Variants in SLC12A8 observed in about 807,000 individuals in gnomAD.
The protein encoded by SLC12A8 is cation-chloride cotransporter 9.
SLC12A8 carries 69 observed loss-of-function variants against 75.6 expected under a neutral mutation model. The ratio of observed to expected loss-of-function variants is 0.91; its 90% CI spans 0.75 to 1.11. The LOEUF is 1.11. Ranked by LOEUF, SLC12A8 falls within the 50% of genes most tolerant of loss-of-function variation. The probability of loss-of-function intolerance (pLI) is 0.00; values close to 1 mark genes in which losing one functional copy is unlikely to be tolerated. For synonymous variants in SLC12A8, 365 were observed against 372.8 expected, an observed-to-expected ratio of 0.98 and a Z score of 0.24; for missense variants, 877 against 896.7, an observed-to-expected ratio of 0.98 and a Z score of 0.28.
intron 10 of SLC12A8, among the ~76,000 whole-genome samples, chr3:125,106,776 A>T (rs1323017614): frequency 6.6e-6 from 1 of 152,206 alleles, no homozygotes; most frequent in Admixed American, 6.5e-5. Flanking sequence ...AAATACAGAC[A>T]ATACAATGCA....
At chr3:125,118,352 G>C (rs1939363675) in intron 8 of SLC12A8, among the ~76,000 whole-genome samples, 1 of 152,166 alleles carries the variant, frequency 6.6e-6, no homozygotes, top group Admixed American at 6.5e-5. Context: ...GGCTGGGCGT[G>C]GTGGCTCACG....
Position 125,193,361 on chromosome 3 carries a change from C to T in SLC12A8, c.52-2840G>A, listed in dbSNP as rs548897559. The stretch of plus-strand genomic sequence containing the variant: ...CTCCAGGCTGGGTGATAGAGTGAGA[C>T]CCTGTCTCAAAAAAAAAGAAGTAGC... On this transcript the variant is annotated intron_variant, in intron 2 of 13. Transcript: ENST00000469902. Among the ~76,000 whole-genome samples the T allele has an allele frequency of 2.6e-5, 4 of 152,244 alleles. No individual in the cohort carries two copies. In the South Asian group the frequency reaches 8.3e-4, roughly 32 times the overall value.
rs941657861 is a variant in SLC12A8, at chr3:125,211,097, C to T, written c.51+202G>A. Among the ~76,000 whole-genome samples the T allele has an allele frequency of 2.6e-5, 4 of 152,268 alleles. No homozygotes were observed. In the South Asian group the frequency reaches 6.2e-4, roughly 24 times the overall value. ...ATTCAAAATCCACCACAAATAATGC[C>T]AAAGGTTTTCTGTATATGAACAGTT... On this transcript the variant is annotated intron_variant, in intron 2 of 13. Coordinates refer to ENST00000469902, the MANE Select transcript of SLC12A8 (RefSeq NM_024628.6).
intron 5 of SLC12A8, among the ~76,000 whole-genome samples, chr3:125,176,129 G>C (rs1934521833): frequency 6.6e-6 from 1 of 152,170 alleles, no homozygotes. Context: ...CCTCCAAGGG[G>C]AAAAGCAGAG....
intron 1 of SLC12A8, among the ~76,000 whole-genome samples, chr3:125,212,211 G>C (rs1362726196): frequency 6.6e-6 from 1 of 152,084 alleles, no homozygotes; most frequent in African/African-American, 2.4e-5. Flanking sequence ...CACTGAGTGG[G>C]GGGTTGGGAG....
intron 8 of SLC12A8, among the ~76,000 whole-genome samples, chr3:125,114,819 C>T (rs1369817111): frequency 2.0e-5 from 3 of 152,186 alleles, no homozygotes; most frequent in Non-Finnish European, 2.9e-5. Context: ...AGGTATTTGG[C>T]CTTTTTTATT....
At chr3:125,107,066 G>T (rs1380693563) in intron 10 of SLC12A8, among the ~76,000 whole-genome samples, 2 of 152,142 alleles carry the variant, frequency 1.3e-5, no homozygotes, top group Non-Finnish European at 2.9e-5. Context: ...ATCCCCTCTT[G>T]CCTGGTTTGG....
At chr3:125,100,711 T>A (rs990352729) in intron 10 of SLC12A8, among the ~76,000 whole-genome samples, 1 of 149,232 alleles carries the variant, frequency 6.7e-6, no homozygotes, top group Non-Finnish European at 1.5e-5. Context: ...CCCAGCTTAA[T>A]GCTATCTTAA....
At chr3:125,170,960 T>A (rs186434436) in intron 5 of SLC12A8, among the ~76,000 whole-genome samples, 13 of 152,278 alleles carry the variant, frequency 8.5e-5, no homozygotes, top group African/African-American at 2.9e-4. Flanking sequence ...AGAAGCTATG[T>A]GCCGATCTCC....
At chr3:125,148,116 G>C (rs1042869533) in intron 5 of SLC12A8, among the ~76,000 whole-genome samples, 9 of 152,170 alleles carry the variant, frequency 5.9e-5, no homozygotes, top group Admixed American at 5.2e-4. Context: ...TGAACCTGGA[G>C]GTCTGACTCC....
chr3:125,090,606 G>A (rs1938560302), intron 12 of SLC12A8, among the ~76,000 whole-genome samples: 1 of 152,164 alleles, frequency 6.6e-6, no homozygotes, highest in African/African-American at 2.4e-5. Flanking sequence ...GTGTTTTTAA[G>A]TGCATAAATG....
rs1933044903 is a variant in SLC12A8 at position 125,121,001 on chromosome 3, T to C, written c.737-315A>G. On this transcript the variant is annotated intron_variant, in intron 6 of 13. Transcript: ENST00000469902. Reference sequence around the variant, plus strand: ...CGGCTTGCAAGGCACACAGAGGTCCTGCGCTGCCTGCTGAGCTGGGACAAT... The same window carrying C: ...CGGCTTGCAAGGCACACAGAGGTCCCGCGCTGCCTGCTGAGCTGGGACAAT... 2.2e-5 allele frequency: 14 copies of C among 649,834 alleles called. No homozygotes were observed. The South Asian group carries it at 2.2e-4, about 10-fold the overall frequency. The allele number at this position is 649,834 out of a possible 1,614,324, so 40.3% of individuals were successfully genotyped here. A position where few individuals can be genotyped will look rare whatever the true frequency, so the allele number is the denominator to read the frequency against.
intron 5 of SLC12A8, among the ~76,000 whole-genome samples, chr3:125,152,589 C>T (rs1024629727): frequency 3.3e-5 from 5 of 152,088 alleles, no homozygotes; most frequent in African/African-American, 1.2e-4. Flanking sequence ...CCAGTAAGTG[C>T]TGATTTTCTA....
chr3:125,165,432 C>A (rs1301945826), intron 5 of SLC12A8, among the ~76,000 whole-genome samples: 1 of 152,230 alleles, frequency 6.6e-6, no homozygotes, highest in African/African-American at 2.4e-5. Context: ...CCAGAAGACC[C>A]TTCCTGGCAA....
chr3:125,161,143 A>G (rs975093163), intron 5 of SLC12A8, among the ~76,000 whole-genome samples: 1 of 152,202 alleles, frequency 6.6e-6, no homozygotes, highest in African/African-American at 2.4e-5. Context: ...GCTCATAACA[A>G]TGTTATCATT....
At chr3:125,152,834 C>T (rs1013527927) in intron 5 of SLC12A8, among the ~76,000 whole-genome samples, 3 of 152,174 alleles carry the variant, frequency 2.0e-5, no homozygotes, top group African/African-American at 7.2e-5. Flanking sequence ...GCATATATTG[C>T]TGACATGGAT....
intron 8 of SLC12A8, 31 bp from the exon 9 acceptor site, chr3:125,110,366 C>A: frequency 6.2e-7 from 1 of 1,601,926 alleles, no homozygotes; most frequent in Non-Finnish European, 8.5e-7. Context: ...TTCGCCAGTG[C>A]CAGAACCTGC....
intron 5 of SLC12A8, among the ~76,000 whole-genome samples, chr3:125,163,841 T>C (rs1386315367): frequency 6.6e-6 from 1 of 152,166 alleles, no homozygotes; most frequent in African/African-American, 2.4e-5. Flanking sequence ...GCAGCTGGGC[T>C]CCCAAGCTGG....
intron 4 of SLC12A8, 46 bp from the exon 5 acceptor site, chr3:125,178,020 T>C: frequency 2.7e-6 from 4 of 1,496,092 alleles, no homozygotes; most frequent in Admixed American, 1.8e-5. Flanking sequence ...CAGAAAGCCA[T>C]GGGCCCATGG....
Sources: allele counts gnomAD v4.1 joint callset (sites outside exome capture counted in the v4.1 genomes callset), GRCh38; gene constraint gnomAD v4.1.1; transcripts MANE v1.5; gene names NCBI Gene and HGNC (gene_info 2026-07-23, HGNC 2026-07-21).